KCTD7: variants seen among roughly 807,000 people sequenced by gnomAD.
The protein encoded by KCTD7 is potassium channel tetramerization domain containing 7, also known as BTB/POZ domain-containing protein KCTD7.
A neutral mutation model predicts 27.0 loss-of-function variants in KCTD7; 15 were observed. That is an observed-to-expected ratio of 0.56 (90% CI 0.37 to 0.86). The LOEUF (loss-of-function observed/expected upper bound fraction) is 0.86. Ranked by LOEUF, KCTD7 falls within the 40% of genes least tolerant of loss-of-function variation. The pLI, the probability that KCTD7 is intolerant of heterozygous loss-of-function variation, is 0.00. For synonymous variants in KCTD7, 159 were observed against 162.7 expected (o/e 0.98, Z 0.17); for missense variants, 299 against 398.9 (o/e 0.75, Z 2.13).
chr7:66,637,282 C>G (rs1786609684), intron 2 of KCTD7, among the ~76,000 whole-genome samples: 1 of 152,146 alleles, frequency 6.6e-6, no homozygotes, highest in Non-Finnish European at 1.5e-5. Flanking sequence ...GATGGAGTTT[C>G]ACCGTTTTGG....
rs1786384122 is a variant in KCTD7 at position 66,629,193 on chromosome 7, C to T, written c.129C>T (p.Pro43=). 1 of 1,482,058 alleles carries T rather than the reference C, an allele frequency of 6.7e-7. No individual in the cohort carries two copies. 91.8% of individuals were successfully genotyped at this position (1,482,058 alleles called of 1,614,324 possible). ...CCACGCAGGCGGGGCACGCGCTGCC[C>T]CTGCTGCCACAGGAGGTACCCGGGC... The part of the protein sequence containing the change: ...PTATQAGHAL[P]LLPQEFPEVV... The change falls in exon 1 of 4, where the codon CCC becomes CCT. Residue 43 remains proline (P), a synonymous_variant. Transcript: ENST00000639828.
At chr7:66,630,068 T>C (rs955730933) in intron 1 of KCTD7, among the ~76,000 whole-genome samples, 2 of 152,146 alleles carry the variant, frequency 1.3e-5, no homozygotes. Context: ...TCCCAGCAGT[T>C]AGAGACTAGT....
intron 1 of KCTD7, among the ~76,000 whole-genome samples, chr7:66,632,944 C>G (rs997274952): frequency 6.6e-6 from 1 of 151,736 alleles, no homozygotes; most frequent in Non-Finnish European, 1.5e-5. Flanking sequence ...GTAGTCCCAG[C>G]TACTCCGGGA....
intron 2 of KCTD7, among the ~76,000 whole-genome samples, chr7:66,635,110 G>A (rs1786557028): frequency 6.6e-6 from 1 of 151,104 alleles, no homozygotes; most frequent in African/African-American, 2.4e-5. Flanking sequence ...CCTCCCAGGT[G>A]CAAGCAATTT....
chr7:66,640,803 T>C lies in KCTD7; in HGVS notation c.*1571T>C. 8 of 981,794 alleles carry C rather than the reference T, an allele frequency of 8.1e-6. No individual in the cohort carries two copies. Among genetic ancestry groups the C allele is most frequent in the Non-Finnish European group, 9.7e-6 (8 of 823,224 alleles). 60.8% of individuals were successfully genotyped at this position (981,794 alleles called of 1,614,324 possible). The stretch of plus-strand genomic sequence containing the variant: ...TATGATCGTGCCTGTGGCTAGCCAC[T>C]GTGCTCCAGCCTGGGCAACACCATC... On this transcript the variant is annotated 3_prime_UTR_variant, in exon 4 of 4. Coordinates refer to ENST00000639828, the MANE Select transcript of KCTD7 (RefSeq NM_153033.5).
chr7:66,632,289 A>C (rs547851052), intron 1 of KCTD7, among the ~76,000 whole-genome samples: 56 of 150,952 alleles, frequency 3.7e-4, no homozygotes, highest in South Asian at 1.9e-3. Flanking sequence ...AGATCGAGAC[A>C]ATCCTGGCTA....
chr7:66,640,304 C>T lies in KCTD7; in HGVS notation c.*1072C>T, dbSNP rs185563689. 9.3e-5 allele frequency: 143 copies of T among 1,531,358 alleles called. No individual in the cohort carries two copies. The African/African-American group carries it at 1.8e-3, about 19-fold the overall frequency. 94.9% of individuals were successfully genotyped at this position (1,531,358 alleles called of 1,614,324 possible). On this transcript the variant is annotated 3_prime_UTR_variant, in exon 4 of 4. Transcript: ENST00000639828. Reference sequence around the variant, plus strand: ...AAAACTTCCCTTTTGTTTTACTCCTCACTCCTCTATTTTTGTTTTACTCAC... The same window carrying T: ...AAAACTTCCCTTTTGTTTTACTCCTTACTCCTCTATTTTTGTTTTACTCAC...
At chr7:66,634,404 C>T (rs1786538991) in intron 2 of KCTD7, among the ~76,000 whole-genome samples, 1 of 151,266 alleles carries the variant, frequency 6.6e-6, no homozygotes, top group South Asian at 2.1e-4. Context: ...GCTATGTTGC[C>T]CAGGGTGGAA....
At position 66,628,908 on chromosome 7, in the gene KCTD7, G is replaced by A. The variant is rs1786372712; in HGVS notation, c.-157G>A. The A allele has an allele frequency of 3.0e-6, 2 of 661,410 alleles. No homozygotes were observed. The highest frequency in any genetic ancestry group is 1.9e-5 in the African/African-American group (1 of 51,842). The allele number at this position is 661,410 out of a possible 1,614,324, so 41.0% of individuals were successfully genotyped here. A position where few individuals can be genotyped will look rare whatever the true frequency, so the allele number is the denominator to read the frequency against. On this transcript the variant is annotated 5_prime_UTR_variant, in exon 1 of 4. Coordinates refer to ENST00000639828, the MANE Select transcript of KCTD7 (RefSeq NM_153033.5). ...CTGGGCGCGAGCGGGTCGGCGTTGA[G>A]GGAGCCACCGCCCTCCCGCCTGCGC...
Position 66,634,916 on chromosome 7 carries a change from C to T in KCTD7, c.314+1472C>T, listed in dbSNP as rs554290238. On this transcript the variant is annotated intron_variant, in intron 2 of 3. Transcript: ENST00000639828. The stretch of plus-strand genomic sequence containing the variant: ...CTGTAGTCACAGCTACTTGTGAGGC[C>T]GAGGTGGGAGGATTGGTTGAGCTCA... 3.1e-4 allele frequency among the ~76,000 whole-genome samples: 47 copies of T among 151,960 alleles called. No individual in the cohort carries two copies. In the South Asian group the frequency reaches 4.8e-3, roughly 15 times the overall value.
intron 1 of KCTD7, 96 bp downstream of exon 1, chr7:66,629,304 G>C: frequency 1.1e-6 from 1 of 929,608 alleles, no homozygotes. Context: ...GGCGGGGCCG[G>C]GGTTGGGGGC....
intron 1 of KCTD7, 44 bp downstream of exon 1, chr7:66,629,252 G>T: frequency 7.9e-7 from 1 of 1,263,460 alleles, no homozygotes; most frequent in South Asian, 2.4e-5. Context: ...GGAGGGGCGC[G>T]GGGGAGAAGC....
chr7:66,637,375 C>T (rs879725536), intron 2 of KCTD7, among the ~76,000 whole-genome samples: 25 of 152,208 alleles, frequency 1.6e-4, no homozygotes, highest in South Asian at 1.4e-3. Context: ...TGTGAGCCAC[C>T]GTGCCTGGCC....
At position 66,643,043 on chromosome 7, in the gene KCTD7, T is replaced by C; in HGVS notation, c.*3811T>C. 1.0e-6 allele frequency: 1 copy of C among 985,450 alleles called. No homozygotes were observed. Among genetic ancestry groups the C allele is most frequent in the Non-Finnish European group, 1.2e-6 (1 of 829,938 alleles). The allele number at this position is 985,450 out of a possible 1,614,324, so 61.0% of individuals were successfully genotyped here. A position where few individuals can be genotyped will look rare whatever the true frequency, so the allele number is the denominator to read the frequency against. ...CTCCAAGGGCATTAAAGTCAAGAAC[T>C]AGAACCTGGGTGCTGTGCCTTTCTT... On this transcript the variant is annotated 3_prime_UTR_variant, in exon 4 of 4. Coordinates refer to ENST00000639828, the MANE Select transcript of KCTD7 (RefSeq NM_153033.5).
Position 66,642,119 on chromosome 7 carries a change from A to G in KCTD7, c.*2887A>G. 1 of 985,470 alleles carries G rather than the reference A, an allele frequency of 1.0e-6. No homozygotes were observed. The highest frequency in any genetic ancestry group is 1.2e-6 in the Non-Finnish European group (1 of 829,944). 61.0% of individuals were successfully genotyped at this position (985,470 alleles called of 1,614,324 possible). A position where few individuals can be genotyped will look rare whatever the true frequency, so the allele number is the denominator to read the frequency against. ...ATGGTGCAATGCTCGCCATAACAAA[A>G]TTCCTTAAAAATAAAAAAGCTAATG... On this transcript the variant is annotated 3_prime_UTR_variant, in exon 4 of 4. Coordinates refer to ENST00000639828, the MANE Select transcript of KCTD7 (RefSeq NM_153033.5).
intron 2 of KCTD7, among the ~76,000 whole-genome samples, chr7:66,637,116 C>T (rs1786604734): frequency 6.6e-6 from 1 of 152,200 alleles, no homozygotes; most frequent in Non-Finnish European, 1.5e-5. Flanking sequence ...GATGGAGTCT[C>T]ACACTGTCAC....
chr7:66,635,341 AG>A (rs1381801164), intron 2 of KCTD7, among the ~76,000 whole-genome samples: 1 of 152,224 alleles, frequency 6.6e-6, no homozygotes, highest in Non-Finnish European at 1.5e-5. Context: ...GTCTTAAAAA[AG>A]AAAACAAAAC....
At chr7:66,638,516 CG>C in intron 3 of KCTD7, 85 bp downstream of exon 3, 5 of 1,376,888 alleles carry the variant, frequency 3.6e-6, no homozygotes, top group Non-Finnish European at 4.1e-6. Context: ...ATCAGAACAC[CG>C]GGGGCAGCAT....
Position 66,642,836 on chromosome 7 carries a change from G to T in KCTD7, c.*3604G>T, listed in dbSNP as rs1786751474. The T allele has an allele frequency of 4.1e-6, 4 of 985,406 alleles. No individual in the cohort carries two copies. The East Asian group carries it at 4.5e-4, about 112-fold the overall frequency. The allele number at this position is 985,406 out of a possible 1,614,324, so 61.0% of individuals were successfully genotyped here. ...GTGGGGAAGGATGGGGGTTGGCAGG[G>T]GTTGAGGGAGGTGGGAACAAACAGT... is the stretch of plus-strand genomic sequence containing the variant. On this transcript the variant is annotated 3_prime_UTR_variant, in exon 4 of 4. Coordinates refer to ENST00000639828, the MANE Select transcript of KCTD7 (RefSeq NM_153033.5).
Sources: allele counts gnomAD v4.1 joint callset (sites outside exome capture counted in the v4.1 genomes callset), GRCh38; gene constraint gnomAD v4.1.1; transcripts MANE v1.5; gene names NCBI Gene and HGNC (gene_info 2026-07-23, HGNC 2026-07-21).